PTPN14: variants seen among roughly 807,000 people sequenced by gnomAD.
PTPN14 encodes tyrosine-protein phosphatase non-receptor type 14.
Under a neutral mutation model 126.8 loss-of-function variants are expected in PTPN14, and 53 were observed. The observed-to-expected ratio is 0.42, with a 90% confidence interval of 0.34 to 0.53. The LOEUF is 0.53. Among genes scored for constraint, PTPN14 ranks in the 20% least tolerant of loss-of-function variants. The probability of loss-of-function intolerance (pLI) is 0.08; values close to 1 mark genes in which losing one functional copy is unlikely to be tolerated. For missense variants in PTPN14, 1,257 were observed against 1,552.9 expected (o/e 0.81, Z 3.20); for synonymous variants, 630 against 599.3 (o/e 1.05, Z -0.75).
In PTPN14 at chr1:214,352,593, G is replaced by A. The variant is rs1354988207; in HGVS notation, c.*5329C>T. 3.3e-5 allele frequency: 5 copies of A among 152,202 alleles called. No individual in the cohort carries two copies. The highest frequency in any genetic ancestry group is 6.5e-5 in the Admixed American group (1 of 15,280). 9.4% of individuals were successfully genotyped at this position (152,202 alleles called of 1,614,324 possible). Reference sequence around the variant, plus strand: ...GCCCCAAAATGTCTTAGAAGCTTAAGTAAAGACAAGAACTATTTTGCTTCC... The same window carrying A: ...GCCCCAAAATGTCTTAGAAGCTTAAATAAAGACAAGAACTATTTTGCTTCC... On this transcript the variant is annotated 3_prime_UTR_variant, in exon 19 of 19. Coordinates refer to ENST00000366956, the MANE Select transcript of PTPN14 (RefSeq NM_005401.5).
intron 1 of PTPN14, among the ~76,000 whole-genome samples, chr1:214,491,571 G>C (rs1168616841): frequency 6.6e-6 from 1 of 152,174 alleles, no homozygotes; most frequent in Non-Finnish European, 1.5e-5. Context: ...CTTCTCCTAT[G>C]AGAATCAACT....
At chr1:214,532,263 C>G (rs755692686) in intron 1 of PTPN14, 7 of 438,374 alleles carry the variant, frequency 1.6e-5, no homozygotes, top group Non-Finnish European at 3.0e-5. Flanking sequence ...AGCCGCCCAG[C>G]TGGTCAACAG....
intron 1 of PTPN14, among the ~76,000 whole-genome samples, chr1:214,465,782 T>C (rs1247942853): frequency 1.3e-5 from 2 of 151,974 alleles, no homozygotes; most frequent in African/African-American, 4.8e-5. Context: ...ATGACTTAAG[T>C]GCCTCACTGA....
At chr1:214,378,136 A>T (rs984541151) in intron 13 of PTPN14, 34 bp from the exon 14 acceptor site, 1 of 1,583,900 alleles carries the variant, frequency 6.3e-7, no homozygotes, top group East Asian at 2.2e-5. Flanking sequence ...CTCATTGTTT[A>T]TAATACTAGT....
intron 17 of PTPN14, among the ~76,000 whole-genome samples, chr1:214,368,499 C>G (rs1001086051): frequency 3.3e-5 from 5 of 152,096 alleles, no homozygotes; most frequent in African/African-American, 1.2e-4. Flanking sequence ...CCATGCCCGG[C>G]CTATTTTTAA....
In PTPN14 at chr1:214,370,961, T is replaced by C. The variant is rs192677825; in HGVS notation, c.3037-1270A>G. ...TGTAAATTACCTTGCCTGGCTTCATTTGGTTTAATTGAGTCTCCTTAAATT... is the reference window on the plus strand; with the variant it reads ...TGTAAATTACCTTGCCTGGCTTCATCTGGTTTAATTGAGTCTCCTTAAATT... On this transcript the variant is annotated intron_variant, in intron 16 of 18. Transcript: ENST00000366956. Among the ~76,000 whole-genome samples, 14 of 152,356 alleles carry C rather than the reference T, an allele frequency of 9.2e-5. No individual in the cohort carries two copies. The East Asian group carries it at 1.5e-3, about 17-fold the overall frequency.
intron 7 of PTPN14, among the ~76,000 whole-genome samples, chr1:214,400,998 T>C (rs1002032578): frequency 1.3e-5 from 2 of 152,188 alleles, no homozygotes; most frequent in African/African-American, 4.8e-5. Context: ...AATGTGCCAG[T>C]TGCTTTAGGT....
intron 3 of PTPN14, among the ~76,000 whole-genome samples, chr1:214,436,159 C>T (rs1202990991): frequency 2.0e-5 from 3 of 152,056 alleles, no homozygotes; most frequent in South Asian, 2.1e-4. Flanking sequence ...AACCAAATAC[C>T]GCATGTTCTC....
At chr1:214,493,793 C>T (rs1047729555) in intron 1 of PTPN14, among the ~76,000 whole-genome samples, 1 of 152,082 alleles carries the variant, frequency 6.6e-6, no homozygotes, top group African/African-American at 2.4e-5. Context: ...TGTGAAATGA[C>T]AGAATGATTA....
intron 5 of PTPN14, among the ~76,000 whole-genome samples, chr1:214,410,388 G>T (rs545266452): frequency 6.6e-6 from 1 of 151,950 alleles, no homozygotes; most frequent in Non-Finnish European, 1.5e-5. Context: ...TCCACCAGGG[G>T]TTCAAGCGAT....
intron 1 of PTPN14, among the ~76,000 whole-genome samples, chr1:214,534,439 C>T (rs140453783): frequency 6.6e-6 from 1 of 152,026 alleles, no homozygotes; most frequent in African/African-American, 2.4e-5. Flanking sequence ...ATTGGCCGGG[C>T]GCGGTGGCTC....
At chr1:214,395,044 A>G in intron 8 of PTPN14, 58 bp from the exon 9 acceptor site, 1 of 1,413,824 alleles carries the variant, frequency 7.1e-7, no homozygotes, top group Non-Finnish European at 1.0e-6. Flanking sequence ...TTTATGATAC[A>G]GCAGAGGAGG....
intron 1 of PTPN14, chr1:214,528,583 A>C (rs1338488500): frequency 6.6e-6 from 1 of 152,206 alleles, no homozygotes; most frequent in Non-Finnish European, 1.5e-5. Context: ...AACACAGTGG[A>C]TATACTTGAG....
At chr1:214,470,499 T>C (rs2102660318) in intron 1 of PTPN14, among the ~76,000 whole-genome samples, 1 of 152,172 alleles carries the variant, frequency 6.6e-6, no homozygotes, top group African/African-American at 2.4e-5. Context: ...AACACTGCAC[T>C]TGGCCAGGCA....
chr1:214,465,370 G>A (rs1660611772), intron 1 of PTPN14, among the ~76,000 whole-genome samples: 1 of 152,176 alleles, frequency 6.6e-6, no homozygotes, highest in Non-Finnish European at 1.5e-5. Flanking sequence ...AGCATTTTGG[G>A]AGGTTGAGGC....
chr1:214,486,668 G>T (rs1661120931), intron 1 of PTPN14, among the ~76,000 whole-genome samples: 1 of 152,148 alleles, frequency 6.6e-6, no homozygotes, highest in African/African-American at 2.4e-5. Context: ...AGAAATCAGG[G>T]TCTTGACCCA....
chr1:214,408,389 T>C (rs959410264), intron 5 of PTPN14, among the ~76,000 whole-genome samples: 1 of 152,120 alleles, frequency 6.6e-6, no homozygotes, highest in South Asian at 2.1e-4. Flanking sequence ...CCCTCCTCAT[T>C]AACACTCTTC....
Position 214,522,540 on chromosome 1 carries a change from T to C in PTPN14, c.-155+28643A>G, listed in dbSNP as rs193086644. Among the ~76,000 whole-genome samples the C allele has an allele frequency of 8.0e-4, 122 of 152,290 alleles. 1 individual carries two copies. The highest frequency in any genetic ancestry group is 5.7e-4 in the Non-Finnish European group (39 of 68,030). ...ACGTAACCACTAAATATATATGCAA[T>C]ACCTGTTTTCCATCAGGTTCTGAAA... On this transcript the variant is annotated intron_variant, in intron 1 of 18. Transcript: ENST00000366956.
intron 2 of PTPN14, 55 bp downstream of exon 2, chr1:214,464,575 C>T: frequency 6.3e-7 from 1 of 1,584,466 alleles, no homozygotes; most frequent in Non-Finnish European, 8.6e-7. Flanking sequence ...AGTTCTCCTT[C>T]ACATACCCAA....
Sources: allele counts gnomAD v4.1 joint callset (sites outside exome capture counted in the v4.1 genomes callset), GRCh38; gene constraint gnomAD v4.1.1; transcripts MANE v1.5; gene names NCBI Gene and HGNC (gene_info 2026-07-23, HGNC 2026-07-21).